The following LGSN variants were observed in gnomAD, a reference collection of about 807,000 sequenced individuals.
LGSN encodes lengsin, lens protein with glutamine synthetase domain.
In LGSN, 21 loss-of-function variants were observed where a neutral mutation model predicts 19.5. The ratio of observed to expected loss-of-function variants is 1.07; its 90% confidence interval spans 0.76 to 1.55. The LOEUF (loss-of-function observed/expected upper bound fraction) is 1.55, where lower values mean the gene tolerates loss of function less well. Among genes scored for constraint, LGSN ranks in the 40% most tolerant of loss-of-function variants. LGSN has a pLI of 0.00. For missense variants in LGSN, 673 were observed against 608.5 expected (o/e 1.11, Z -1.12); for synonymous variants, 257 against 215.6 (o/e 1.19, Z -1.68).
At chr6:63,474,742 T>G in the LGSN span, among the ~76,000 whole-genome samples, 2 of 150,174 alleles carry the variant, frequency 1.3e-5, no homozygotes, top group Non-Finnish European at 1.5e-5. Flanking sequence ...GCCTACATGG[T>G]GAAACCCTGT....
At chr6:63,386,164 T>C in the LGSN span, among the ~76,000 whole-genome samples, 5 of 152,220 alleles carry the variant, frequency 3.3e-5, no homozygotes, top group African/African-American at 4.8e-5. Context: ...TGTAGAGTCT[T>C]ACCTCCCTAC....
At chr6:63,469,497 G>C in the LGSN span, among the ~76,000 whole-genome samples, 1 of 152,092 alleles carries the variant, frequency 6.6e-6, no homozygotes, top group Non-Finnish European at 1.5e-5. Flanking sequence ...AGACATGGTG[G>C]GGTGGGGAGT....
At chr6:63,475,899 C>CT in the LGSN span, among the ~76,000 whole-genome samples, 9 of 152,148 alleles carry the variant, frequency 5.9e-5, no homozygotes, top group Non-Finnish European at 1.3e-4. Flanking sequence ...CCAAGGAGTG[C>CT]TAAAATCAAA....
the LGSN span, among the ~76,000 whole-genome samples, chr6:63,504,303 G>A: frequency 6.6e-6 from 1 of 150,964 alleles, no homozygotes; most frequent in Admixed American, 6.6e-5. Flanking sequence ...GTGCAGTGGT[G>A]CAATCTCGGC....
At chr6:63,514,083 G>A in the LGSN span, among the ~76,000 whole-genome samples, 25 of 152,014 alleles carry the variant, frequency 1.6e-4, no homozygotes, top group Non-Finnish European at 3.2e-4. Context: ...AATAATCTGT[G>A]TTCTTCTGCC....
chr6:63,572,338 G>T, the LGSN span: 1 of 263,814 alleles, frequency 3.8e-6, no homozygotes, highest in Non-Finnish European at 7.1e-6. Flanking sequence ...CACCGGCGGC[G>T]GCCGCCGCGG....
the LGSN span, among the ~76,000 whole-genome samples, chr6:63,412,668 G>GAAAGAAAGA: frequency 1.1e-4 from 12 of 111,474 alleles, no homozygotes; most frequent in Middle Eastern, 5.6e-3. Flanking sequence ...AGGAAAGGAA[G>GAAAGAAAGA]GAAAGGAAGA....
At chr6:63,477,631 T>C in the LGSN span, among the ~76,000 whole-genome samples, 3 of 146,506 alleles carry the variant, frequency 2.0e-5, no homozygotes, top group Non-Finnish European at 4.5e-5. Context: ...AGATCCAGTT[T>C]TGGTTTTCAT....
At chr6:63,493,254 G>C in the LGSN span, among the ~76,000 whole-genome samples, 1 of 152,194 alleles carries the variant, frequency 6.6e-6, no homozygotes, top group Non-Finnish European at 1.5e-5. Flanking sequence ...TGCTTTCATT[G>C]TAAAACTACA....
At chr6:63,450,833 T>G in the LGSN span, among the ~76,000 whole-genome samples, 1 of 151,862 alleles carries the variant, frequency 6.6e-6, no homozygotes, top group Non-Finnish European at 1.5e-5. Flanking sequence ...CCATCACACC[T>G]GGCCAATTTT....
At chr6:63,541,306 A>C in the LGSN span, among the ~76,000 whole-genome samples, 1 of 151,990 alleles carries the variant, frequency 6.6e-6, no homozygotes, top group Admixed American at 6.6e-5. Context: ...TTGCTAAGGA[A>C]AGGTTTGGGA....
intron 1 of LGSN, among the ~76,000 whole-genome samples, chr6:63,311,598 T>G (rs1768631176): frequency 6.6e-6 from 1 of 152,210 alleles, no homozygotes. Context: ...CTTGCTTTGA[T>G]TTTAGCAGAA....
chr6:63,412,498 G>GAAAGAAAGAAAGAAAC, the LGSN span, among the ~76,000 whole-genome samples: 2 of 86,860 alleles, frequency 2.3e-5, no homozygotes, highest in African/African-American at 1.2e-4. Flanking sequence ...AAGAAAGAAA[G>GAAAGAAAGAAAGAAAC]AAAGAAAGAA....
the LGSN span, among the ~76,000 whole-genome samples, chr6:63,454,208 C>T: frequency 6.6e-6 from 1 of 150,546 alleles, no homozygotes; most frequent in Non-Finnish European, 1.5e-5. Flanking sequence ...TGTGTTTTTT[C>T]CTGTCACCGT....
At chr6:63,458,354 A>G in the LGSN span, among the ~76,000 whole-genome samples, 1 of 152,168 alleles carries the variant, frequency 6.6e-6, no homozygotes. Context: ...GGCATAAGCC[A>G]TCGGGCCCGG....
chr6:63,432,427 C>T, the LGSN span, among the ~76,000 whole-genome samples: 3 of 152,100 alleles, frequency 2.0e-5, no homozygotes, highest in Admixed American at 1.3e-4. Flanking sequence ...CGTGGTGGCT[C>T]ATGCCTGTAA....
At chr6:63,375,666 AT>A in the LGSN span, among the ~76,000 whole-genome samples, 2 of 152,210 alleles carry the variant, frequency 1.3e-5, no homozygotes, top group African/African-American at 4.8e-5. Context: ...CTGGTACATT[AT>A]TTTTAATAAT....
At chr6:63,514,845 C>T in the LGSN span, among the ~76,000 whole-genome samples, 2 of 151,960 alleles carry the variant, frequency 1.3e-5, no homozygotes, top group East Asian at 3.9e-4. Context: ...GGACCCCAGG[C>T]ACCAGGCACC....
chr6:63,439,963 T>C, the LGSN span, among the ~76,000 whole-genome samples: 1 of 152,250 alleles, frequency 6.6e-6, no homozygotes, highest in African/African-American at 2.4e-5. Context: ...ATTGTGCTTA[T>C]TTTTCATTTA....
Sources: allele counts gnomAD v4.1 joint callset (sites outside exome capture counted in the v4.1 genomes callset), GRCh38; gene constraint gnomAD v4.1.1; transcripts MANE v1.5; gene names NCBI Gene and HGNC (gene_info 2026-07-23, HGNC 2026-07-21).